The following PGBD2 variants were observed in gnomAD, a reference collection of about 807,000 sequenced individuals.
The protein encoded by PGBD2 is piggyBac transposable element-derived protein 2.
In PGBD2, 6 loss-of-function variants were observed where a neutral mutation model predicts 8.1. The ratio of observed to expected loss-of-function variants is 0.74; its 90% confidence interval spans 0.40 to 1.46. PGBD2 has a LOEUF of 1.46. PGBD2 is among the 40% of genes most tolerant of loss of function. PGBD2 has a pLI of 0.02. For synonymous variants in PGBD2, 318 were observed against 272.2 expected, an observed-to-expected ratio of 1.17 and a Z score of -1.66; for missense variants, 802 against 739.0, an observed-to-expected ratio of 1.09 and a Z score of -0.99.
At chr1:248,919,695 C>G (rs1016043629), downstream of PGBD2, 4 of 166,432 alleles carry the variant, frequency 2.4e-5, no homozygotes, top group African/African-American at 9.7e-5. Context: ...TACTAATTTA[C>G]ATTCCCACCA....
At chr1:248,911,716 C>T (rs1238080123) in intron 1 of PGBD2, among the ~76,000 whole-genome samples, 1 of 150,586 alleles carries the variant, frequency 6.6e-6, no homozygotes, top group African/African-American at 2.5e-5. Context: ...CGCCCCTCAC[C>T]TCCCGGACGG....
downstream of PGBD2, among the ~76,000 whole-genome samples, chr1:248,923,884 G>T (rs1001102874): frequency 2.0e-5 from 3 of 152,222 alleles, no homozygotes; most frequent in African/African-American, 7.2e-5. Flanking sequence ...AGAGAGAGGA[G>T]AACTTTCTCT....
chr1:248,911,994 G>A lies in PGBD2; in HGVS notation c.-47-1822G>A, dbSNP rs565360727. 2.6e-5 allele frequency among the ~76,000 whole-genome samples: 4 copies of A among 152,190 alleles called. No homozygotes were observed. The South Asian group carries it at 8.3e-4, about 32-fold the overall frequency. ...GTGAGTTGTCCAGGGAAATTAAAAT[G>A]CATAGAAAGTTTAATATCTTAAAAT... On this transcript the variant is annotated intron_variant, in intron 1 of 2. Transcript: ENST00000329291.
chr1:248,889,180 T>C, the PGBD2 span, among the ~76,000 whole-genome samples: 3 of 151,826 alleles, frequency 2.0e-5, no homozygotes, highest in Non-Finnish European at 4.4e-5. Flanking sequence ...AGGTCAGGAG[T>C]TCGAGACCAG....
At chr1:248,888,685 G>T in the PGBD2 span, among the ~76,000 whole-genome samples, 1 of 152,062 alleles carries the variant, frequency 6.6e-6, no homozygotes, top group African/African-American at 2.4e-5. Context: ...CCATTCTGTA[G>T]GTTGTCTGTT....
chr1:248,924,645 T>G (rs1662349099), downstream of PGBD2, among the ~76,000 whole-genome samples: 1 of 152,258 alleles, frequency 6.6e-6, no homozygotes, highest in African/African-American at 2.4e-5. Context: ...AGTTTATTCA[T>G]TCAATTAAGT....
Position 248,916,646 on chromosome 1 carries a change from C to T in PGBD2, c.62C>T (p.Ala21Val). Residue 21 changes from alanine (A) to valine (V), a missense_variant, in exon 3 of 3, where the codon GCA becomes GTA. Physicochemically the swap from Ala to Val is moderately conservative, Grantham distance 64. Transcript: ENST00000329291. The part of the protein sequence containing the change: ...GRGIHSKVKS[A>V]KLLEVLNAME... ...GGTATCCACTCAAAGGTGAAGTCTG[C>T]AAAGCTGCTTGAGGTTCTGAATGCT... The T allele has an allele frequency of 6.2e-7, 1 of 1,614,132 alleles. No individual in the cohort carries two copies. The highest frequency in any genetic ancestry group is 1.3e-5 in the African/African-American group (1 of 75,026).
Position 248,917,624 on chromosome 1 carries a change from A to T in PGBD2, c.1040A>T (p.His347Leu). The change falls in exon 3 of 3, where the codon CAC (histidine) becomes CTC (leucine). Residue 347 changes from histidine to leucine, a missense_variant. Physicochemically the swap from His to Leu is moderately conservative, Grantham distance 99. Coordinates refer to ENST00000329291, the MANE Select transcript of PGBD2 (RefSeq NM_170725.3). ...ALQERGFLPY[H>L]IFFDKVFTSV... is the part of the protein sequence containing the mutation. ...CAGGAGCGTGGTTTTCTGCCATATC[A>T]CATATTTTTTGACAAGGTTTTCACA... is the stretch of plus-strand genomic sequence containing the variant. The T allele has an allele frequency of 6.2e-7, 1 of 1,614,240 alleles. No individual in the cohort carries two copies. Among genetic ancestry groups the T allele is most frequent in the Non-Finnish European group, 8.5e-7 (1 of 1,180,042 alleles).
chr1:248,874,107 G>T, the PGBD2 span, among the ~76,000 whole-genome samples: 1 of 152,166 alleles, frequency 6.6e-6, no homozygotes, highest in African/African-American at 2.4e-5. Flanking sequence ...CCGCAGCAAG[G>T]GGGCTACCTA....
the PGBD2 span, among the ~76,000 whole-genome samples, chr1:248,896,507 C>G: frequency 6.6e-6 from 1 of 152,048 alleles, no homozygotes; most frequent in South Asian, 2.1e-4. Flanking sequence ...TGCAGTGGCA[C>G]GATCACAGCT....
Position 248,916,713 on chromosome 1 carries a change from C to G in PGBD2, c.129C>G (p.Phe43Leu). The G allele has an allele frequency of 6.2e-7, 1 of 1,614,154 alleles. No homozygotes were observed. Among genetic ancestry groups the G allele is most frequent in the South Asian group, 1.1e-5 (1 of 91,080 alleles). Residue 43 changes from phenylalanine (F) to leucine (L), a missense_variant, in exon 3 of 3, where the codon TTC (phenylalanine) becomes TTG (leucine). Physicochemically the swap from Phe to Leu is conservative, Grantham distance 22. Transcript: ENST00000329291. ...EESNNNREEI[F>L]IAPPDNAAGE... The stretch of plus-strand genomic sequence containing the variant: ...CCAACAACAACAGGGAAGAGATTTT[C>G]ATTGCACCTCCCGACAATGCTGCGG...
chr1:248,910,721 C>T (rs1175875272), intron 1 of PGBD2, among the ~76,000 whole-genome samples: 1 of 152,200 alleles, frequency 6.6e-6, no homozygotes, highest in Non-Finnish European at 1.5e-5. Flanking sequence ...ACAGACATCA[C>T]AATCACACAC....
chr1:248,877,127 T>C, the PGBD2 span, among the ~76,000 whole-genome samples: 1 of 152,228 alleles, frequency 6.6e-6, no homozygotes. Context: ...CATGAGTTCC[T>C]GGAAGATGTT....
downstream of PGBD2, among the ~76,000 whole-genome samples, chr1:248,923,439 T>C (rs1275510652): frequency 6.6e-6 from 1 of 152,176 alleles, no homozygotes; most frequent in Non-Finnish European, 1.5e-5. Flanking sequence ...TGAAGGGTTT[T>C]TCATGTCTCT....
the PGBD2 span, among the ~76,000 whole-genome samples, chr1:248,875,213 G>C: frequency 1.3e-5 from 2 of 150,726 alleles, no homozygotes; most frequent in Admixed American, 1.3e-4. Flanking sequence ...GGAGAATGGC[G>C]TGAACCTGGG....
chr1:248,917,476 T>C lies in PGBD2; in HGVS notation c.892T>C (p.Cys298Arg). The change falls in exon 3 of 3, where the codon TGT becomes CGT. Residue 298 changes from cysteine (C) to arginine (R), a missense_variant. Cys to Arg is a radical substitution (Grantham distance 180). Transcript: ENST00000329291. ...TGTGCGACTTGGCTACAAGATTTGGTGTGGGACAACCAGCAGAGGCTACTT... is the reference window on the plus strand; with the variant it reads ...TGTGCGACTTGGCTACAAGATTTGGCGTGGGACAACCAGCAGAGGCTACTT... ...KPVRLGYKIW[C>R]GTTSRGYLVW... 6.2e-7 allele frequency: 1 copy of C among 1,613,834 alleles called. No individual in the cohort carries two copies. The highest frequency in any genetic ancestry group is 8.5e-7 in the Non-Finnish European group (1 of 1,179,990).
rs367782340 is a variant in PGBD2, at chr1:248,917,884, A to C, written c.1300A>C (p.Thr434Pro). The C allele has an allele frequency of 1.9e-6, 3 of 1,614,234 alleles. No individual in the cohort carries two copies. Among genetic ancestry groups the C allele is most frequent in the Non-Finnish European group, 2.5e-6 (3 of 1,180,034 alleles). Reference protein sequence around the residue: ...NAVGIEPVRLTSRHSGAAKTR... With the variant: ...NAVGIEPVRLPSRHSGAAKTR... ...TGTGGGCATAGAGCCAGTGAGGCTGACCAGTCGTCACTCTGGAGCAGCTAA... is the reference window on the plus strand; with the variant it reads ...TGTGGGCATAGAGCCAGTGAGGCTGCCCAGTCGTCACTCTGGAGCAGCTAA... Residue 434 changes from threonine (T) to proline (P), a missense_variant, in exon 3 of 3, where the codon ACC (threonine) becomes CCC (proline). Physicochemically the swap from Thr to Pro is conservative, Grantham distance 38. Coordinates refer to ENST00000329291, the MANE Select transcript of PGBD2 (RefSeq NM_170725.3).
chr1:248,929,939 G>C, the PGBD2 span, among the ~76,000 whole-genome samples: 1 of 152,150 alleles, frequency 6.6e-6, no homozygotes, highest in African/African-American at 2.4e-5. Flanking sequence ...GGAGCACCTG[G>C]TAGTGCTCAG....
the PGBD2 span, among the ~76,000 whole-genome samples, chr1:248,875,334 GAAAAA>G: frequency 0.042 from 5,700 of 134,818 alleles, 364 homozygotes; most frequent in African/African-American, 0.14. Flanking sequence ...AAAAAGAAAA[GAAAAA>G]AAGAAAGAAA....
Sources: allele counts gnomAD v4.1 joint callset (sites outside exome capture counted in the v4.1 genomes callset), GRCh38; gene constraint gnomAD v4.1.1; transcripts MANE v1.5; gene names NCBI Gene and HGNC (gene_info 2026-07-23, HGNC 2026-07-21).